The following ESF1 variants were observed in gnomAD, a reference collection of about 807,000 sequenced individuals.
ESF1 encodes ESF1 homolog.
In ESF1, 58 loss-of-function variants were observed where a neutral mutation model predicts 92.0. The ratio of observed to expected loss-of-function variants is 0.63; its 90% CI spans 0.51 to 0.78. The LOEUF (loss-of-function observed/expected upper bound fraction) is 0.78, where lower values mean the gene tolerates loss of function less well. Ranked by LOEUF, ESF1 falls within the 30% of genes least tolerant of loss-of-function variation. ESF1 has a pLI of 0.00. For missense variants in ESF1, 922 were observed against 989.1 expected, an observed-to-expected ratio of 0.93 and a Z score of 0.91; for synonymous variants, 321 against 313.7, an observed-to-expected ratio of 1.02 and a Z score of -0.24.
intron 6 of ESF1, among the ~76,000 whole-genome samples, chr20:13,770,527 T>C (rs1470162987): frequency 1.3e-5 from 2 of 152,206 alleles, no homozygotes; most frequent in African/African-American, 4.8e-5. Flanking sequence ...TTAAAATTTT[T>C]TGTAGAGACA....
At chr20:13,741,161 T>C (rs2050011080) in intron 9 of ESF1, among the ~76,000 whole-genome samples, 1 of 152,188 alleles carries the variant, frequency 6.6e-6, no homozygotes. Context: ...TCAATTCTTC[T>C]GCCCCATTCC....
At chr20:13,773,345 G>A (rs6110034) in intron 4 of ESF1, among the ~76,000 whole-genome samples, 1 of 152,054 alleles carries the variant, frequency 6.6e-6, no homozygotes, top group East Asian at 1.9e-4. Context: ...ATACACAATA[G>A]GTTTAATATG....
chr20:13,774,465 T>C (rs192842013), intron 4 of ESF1, among the ~76,000 whole-genome samples: 5 of 152,366 alleles, frequency 3.3e-5, no homozygotes, highest in African/African-American at 1.2e-4. Context: ...TCTCTAATAA[T>C]GATTGAGGGC....
At chr20:13,755,044 A>G (rs996468300) in intron 9 of ESF1, among the ~76,000 whole-genome samples, 24 of 152,204 alleles carry the variant, frequency 1.6e-4, no homozygotes, top group Admixed American at 1.5e-3. Flanking sequence ...TGTTTCTTAT[A>G]TATCTGTCAT....
At chr20:13,749,232 ATTTTTTTTTT>A (rs71188184) in intron 9 of ESF1, among the ~76,000 whole-genome samples, 7 of 89,664 alleles carry the variant, frequency 7.8e-5, no homozygotes, top group African/African-American at 1.7e-4. Context: ...TGCCCGGCTA[ATTTTTTTTTT>A]TTTTTTTTTT....
rs146895789 is a variant in ESF1, at chr20:13,756,299, A to G, written c.1828+3393T>C. ...CGTGCATGTACATAAGGATTCACAG[A>G]TAACAATACCTCATTAGGGGCCTTC... On this transcript the variant is annotated intron_variant, in intron 9 of 13. Transcript: ENST00000617257. 1.7e-4 allele frequency among the ~76,000 whole-genome samples: 26 copies of G among 152,344 alleles called. 1 individual carries two copies. The East Asian group carries it at 5.0e-3, about 29-fold the overall frequency.
At position 13,759,930 on chromosome 20, in the gene ESF1, T is replaced by C. The variant is rs1979083378; in HGVS notation, c.1667-77A>G. 7 of 1,475,660 alleles carry C rather than the reference T, an allele frequency of 4.7e-6. No homozygotes were observed. In the South Asian group the frequency reaches 9.7e-5, roughly 20 times the overall value. 91.4% of individuals were successfully genotyped at this position (1,475,660 alleles called of 1,614,324 possible). A position where few individuals can be genotyped will look rare whatever the true frequency, so the allele number is the denominator to read the frequency against. Reference sequence around the variant, plus strand: ...GTGTTCAGATCTTATGGTCACTCTCTTTTAAAAGATGCTGTTAGACCACAG... The same window carrying C: ...GTGTTCAGATCTTATGGTCACTCTCCTTTAAAAGATGCTGTTAGACCACAG... On this transcript the variant is annotated intron_variant, in intron 8 of 13. Transcript: ENST00000617257.
chr20:13,775,372 G>GAA (rs1979883715), intron 3 of ESF1, 102 bp from the exon 4 acceptor site: 1 of 707,782 alleles, frequency 1.4e-6, no homozygotes, highest in Non-Finnish European at 2.3e-6. Context: ...CCTATGCTCT[G>GAA]AAATTAATAG....
intron 11 of ESF1, among the ~76,000 whole-genome samples, chr20:13,720,847 G>A (rs1970933): frequency 0.59 from 90,186 of 152,116 alleles, 27,145 homozygotes; most frequent in East Asian, 0.85. Flanking sequence ...ACGGCTGGGC[G>A]CAGTGGCTCA....
At chr20:13,716,632 C>CT (rs1233826098) in intron 13 of ESF1, among the ~76,000 whole-genome samples, 3 of 144,450 alleles carry the variant, frequency 2.1e-5, no homozygotes, top group Admixed American at 6.9e-5. Context: ...AAGACATTTT[C>CT]TTTTTTTTTC....
Position 13,784,871 on chromosome 20 carries a change from C to G in ESF1, c.-44+9G>C, listed in dbSNP as rs1980611421. 2 of 604,372 alleles carry G rather than the reference C, an allele frequency of 3.3e-6. No individual in the cohort carries two copies. Among genetic ancestry groups the G allele is most frequent in the Non-Finnish European group, 5.9e-6 (2 of 341,186 alleles). The allele number at this position is 604,372 out of a possible 1,614,324, so 37.4% of individuals were successfully genotyped here. On this transcript the variant is annotated intron_variant, in intron 1 of 13. Transcript: ENST00000617257. ...TCGAGCTCTTCAACTCCAGTCCATC[C>G]CCACTCACCGTCCGCAGTCCTACCA...
intron 13 of ESF1, among the ~76,000 whole-genome samples, chr20:13,716,803 GATTT>G (rs2049829749): frequency 3.4e-5 from 2 of 58,462 alleles, no homozygotes; most frequent in African/African-American, 1.2e-4. Context: ...ACTATACCTG[GATTT>G]TTTTTTTTTT....
At chr20:13,766,495 T>A (rs1452876529) in intron 8 of ESF1, among the ~76,000 whole-genome samples, 3 of 152,200 alleles carry the variant, frequency 2.0e-5, no homozygotes, top group Non-Finnish European at 4.4e-5. Context: ...TGAGGGGAGA[T>A]GCCTAAAAGA....
intron 8 of ESF1, among the ~76,000 whole-genome samples, chr20:13,763,397 C>T (rs1330838195): frequency 3.3e-4 from 3 of 9,156 alleles, no homozygotes; most frequent in African/African-American, 4.2e-4. Flanking sequence ...ATATTAGCTA[C>T]CCTAATGCCA....
intron 8 of ESF1, among the ~76,000 whole-genome samples, chr20:13,763,397 C>A (rs1330838195): frequency 1.1e-4 from 1 of 9,156 alleles, no homozygotes; most frequent in African/African-American, 1.4e-4. Context: ...ATATTAGCTA[C>A]CCTAATGCCA....
intron 8 of ESF1, among the ~76,000 whole-genome samples, chr20:13,760,947 A>G (rs1228098941): frequency 6.6e-6 from 1 of 152,208 alleles, no homozygotes; most frequent in African/African-American, 2.4e-5. Flanking sequence ...AAAGGGGGAA[A>G]GGTGGGGAAA....
chr20:13,749,286 A>G (rs6042345), intron 9 of ESF1, among the ~76,000 whole-genome samples: 30,710 of 124,514 alleles, frequency 0.25, 4,238 homozygotes, highest in East Asian at 0.62. Flanking sequence ...GGGTTTCACC[A>G]TGTTGTGATC....
chr20:13,733,387 G>C (rs903303131), intron 10 of ESF1, among the ~76,000 whole-genome samples: 2 of 152,170 alleles, frequency 1.3e-5, no homozygotes, highest in African/African-American at 4.8e-5. Flanking sequence ...AAAAATGTCT[G>C]TATGTACCTC....
intron 9 of ESF1, among the ~76,000 whole-genome samples, chr20:13,755,246 A>G (rs1434363190): frequency 6.6e-6 from 1 of 151,648 alleles, no homozygotes; most frequent in East Asian, 1.9e-4. Context: ...TTTCACTAAT[A>G]TCTATTAGGC....
Sources: allele counts gnomAD v4.1 joint callset (sites outside exome capture counted in the v4.1 genomes callset), GRCh38; gene constraint gnomAD v4.1.1; transcripts MANE v1.5; gene names NCBI Gene and HGNC (gene_info 2026-07-23, HGNC 2026-07-21).